Variants in DIS3L2 observed in about 807,000 individuals in gnomAD.
DIS3L2 encodes DIS3-like exonuclease 2.
In DIS3L2, 34 loss-of-function variants were observed where a neutral mutation model predicts 97.5. The ratio of observed to expected loss-of-function variants is 0.35; its 90% CI spans 0.27 to 0.46. DIS3L2 has a LOEUF of 0.46. Ranked by LOEUF, DIS3L2 falls within the 20% of genes least tolerant of loss-of-function variation. The pLI is 1.00. For missense variants in DIS3L2, 1,038 were observed against 1,146.0 expected (o/e 0.91, Z 1.36); for synonymous variants, 435 against 445.2 (o/e 0.98, Z 0.29).
chr2:232,191,742 A>C (rs1691623267), intron 9 of DIS3L2, among the ~76,000 whole-genome samples: 1 of 152,324 alleles, frequency 6.6e-6, no homozygotes, highest in Non-Finnish European at 1.5e-5. Context: ...AGAGTTTCAA[A>C]TTGTGATTGT....
At chr2:232,159,078 AATTGTCTGGGTTCCTGGT>A (rs1256615573) in intron 8 of DIS3L2, among the ~76,000 whole-genome samples, 3 of 152,134 alleles carry the variant, frequency 2.0e-5, no homozygotes, top group African/African-American at 7.2e-5. Flanking sequence ...CTGAGTCTTT[AATTGTCTGGGTTCCTGGT>A]TACAAGCAAG....
At chr2:232,305,921 C>T (rs893914020) in intron 14 of DIS3L2, among the ~76,000 whole-genome samples, 2 of 151,504 alleles carry the variant, frequency 1.3e-5, no homozygotes, top group Non-Finnish European at 2.9e-5. Context: ...TGCCATTGCA[C>T]TCCAGCCTGG....
intron 5 of DIS3L2, among the ~76,000 whole-genome samples, chr2:232,038,711 G>T (rs183731953): frequency 2.0e-5 from 3 of 152,306 alleles, no homozygotes; most frequent in African/African-American, 7.2e-5. Context: ...AAGACGATGG[G>T]GTAGATTGTT....
intron 9 of DIS3L2, among the ~76,000 whole-genome samples, chr2:232,195,048 A>G (rs539221394): frequency 6.6e-6 from 1 of 152,342 alleles, no homozygotes; most frequent in African/African-American, 2.4e-5. Context: ...ACAAAAAACT[A>G]TAGAACAAGC....
chr2:232,073,340 GGA>G (rs2106289429), intron 5 of DIS3L2, among the ~76,000 whole-genome samples: 1 of 152,246 alleles, frequency 6.6e-6, no homozygotes, highest in South Asian at 2.1e-4. Flanking sequence ...GTAGTGGGGT[GGA>G]CAGGGCATTA....
rs1259566555 is a variant in DIS3L2, at chr2:232,182,069, GC to G, written c.1124+18438del. On this transcript the variant is annotated intron_variant, in intron 9 of 20. Coordinates refer to ENST00000325385, the MANE Select transcript of DIS3L2 (RefSeq NM_152383.5). ...TGTACTTTTTATAAAGGCATTTACAGCTACTCCCTCCCTACTTCCCTGATTG... is the reference window on the plus strand; with the variant it reads ...TGTACTTTTTATAAAGGCATTTACAGTACTCCCTCCCTACTTCCCTGATTG... Among the ~76,000 whole-genome samples, 9 of 152,208 alleles carry G rather than the reference GC, an allele frequency of 5.9e-5. No homozygotes were observed. The South Asian group carries it at 1.2e-3, about 21-fold the overall frequency.
intron 5 of DIS3L2, among the ~76,000 whole-genome samples, chr2:232,069,763 G>T (rs1183654152): frequency 6.6e-6 from 1 of 152,156 alleles, no homozygotes; most frequent in African/African-American, 2.4e-5. Context: ...TCTCTATGAG[G>T]AGAGAAGCTG....
At chr2:232,172,947 C>T (rs141433739) in intron 9 of DIS3L2, among the ~76,000 whole-genome samples, 450 of 152,230 alleles carry the variant, frequency 3.0e-3, no homozygotes, top group African/African-American at 9.9e-3. Context: ...CAGATAGTAT[C>T]TATTCAGATC....
At position 232,073,779 on chromosome 2, in the gene DIS3L2, A is replaced by G. The variant is rs950028324; in HGVS notation, c.367-13708A>G. The stretch of plus-strand genomic sequence containing the variant: ...TTTGAAATACGGTATATTGATTTTA[A>G]AAGGAAGGGAAGAAAAACCTAATGC... On this transcript the variant is annotated intron_variant, in intron 5 of 20. Transcript: ENST00000325385. Among the ~76,000 whole-genome samples, 90 of 152,332 alleles carry G rather than the reference A, an allele frequency of 5.9e-4. 1 individual carries two copies. The highest frequency in any genetic ancestry group is 2.1e-3 in the African/African-American group (87 of 41,564).
chr2:232,139,140 A>G (rs1012838895), intron 8 of DIS3L2, among the ~76,000 whole-genome samples: 1 of 152,220 alleles, frequency 6.6e-6, no homozygotes, highest in African/African-American at 2.4e-5. Context: ...TTAATATAAG[A>G]AGCTGGTGAT....
Position 232,292,826 on chromosome 2 carries a change from A to G in DIS3L2, c.1660-7214A>G, listed in dbSNP as rs1422106222. On this transcript the variant is annotated intron_variant, in intron 13 of 20. Coordinates refer to ENST00000325385, the MANE Select transcript of DIS3L2 (RefSeq NM_152383.5). The surrounding 1 kb of genome is among the most constrained non-coding windows in gnomAD (Gnocchi z 4.4). ...TTCCGCCCTCTGCTGGTGGAAGCTG[A>G]CAGAGCAACCTTGTTGTTGCCTCTT... Among the ~76,000 whole-genome samples the G allele has an allele frequency of 6.6e-6, 1 of 152,176 alleles. No homozygotes were observed. The highest frequency in any genetic ancestry group is 1.5e-5 in the Non-Finnish European group (1 of 68,020).
At chr2:232,009,023 AGTT>A (rs577973967) in intron 1 of DIS3L2, among the ~76,000 whole-genome samples, 233 of 151,964 alleles carry the variant, frequency 1.5e-3, no homozygotes, top group African/African-American at 4.8e-3. Context: ...TTTTCATTTC[AGTT>A]GTTGTCTTTC....
chr2:231,963,975 GC>G (rs1479010019), intron 1 of DIS3L2, among the ~76,000 whole-genome samples: 1 of 152,116 alleles, frequency 6.6e-6, no homozygotes, highest in Non-Finnish European at 1.5e-5. Context: ...TGCCTCAGTT[GC>G]CCAAAGTGCT....
intron 10 of DIS3L2, among the ~76,000 whole-genome samples, chr2:232,232,613 C>T (rs898257711): frequency 6.6e-6 from 1 of 152,114 alleles, no homozygotes; most frequent in Non-Finnish European, 1.5e-5. Context: ...GAGGTGATCC[C>T]ACTTCCTGGG....
chr2:232,050,744 G>C (rs1312239136), intron 5 of DIS3L2, among the ~76,000 whole-genome samples: 1 of 152,176 alleles, frequency 6.6e-6, no homozygotes, highest in Non-Finnish European at 1.5e-5. Flanking sequence ...CTTTGTACGT[G>C]GCACTGGCAT....
chr2:232,086,181 A>C (rs1291928859), intron 5 of DIS3L2, among the ~76,000 whole-genome samples: 1 of 147,330 alleles, frequency 6.8e-6, no homozygotes, highest in African/African-American at 2.6e-5. Context: ...ATATACGTAT[A>C]TATACACACG....
chr2:232,020,377 G>A (rs538821455), intron 3 of DIS3L2, among the ~76,000 whole-genome samples: 1 of 152,276 alleles, frequency 6.6e-6, no homozygotes, highest in African/African-American at 2.4e-5. Flanking sequence ...ACAAGAAAGT[G>A]GCAGTAAAGA....
At chr2:232,216,014 C>T (rs1374593002) in intron 10 of DIS3L2, among the ~76,000 whole-genome samples, 1 of 152,208 alleles carries the variant, frequency 6.6e-6, no homozygotes, top group Non-Finnish European at 1.5e-5. Context: ...CTGCTTCCTC[C>T]TCTTGCTGTA....
At chr2:232,239,345 C>T (rs1693018186) in intron 11 of DIS3L2, among the ~76,000 whole-genome samples, 1 of 152,154 alleles carries the variant, frequency 6.6e-6, no homozygotes, top group Non-Finnish European at 1.5e-5. Context: ...ATATTGAGCA[C>T]CAATTATCTG....
Sources: allele counts gnomAD v4.1 joint callset (sites outside exome capture counted in the v4.1 genomes callset), GRCh38; gene constraint gnomAD v4.1.1; non-coding constraint Gnocchi (gnomAD v3.1); transcripts MANE v1.5; gene names NCBI Gene and HGNC (gene_info 2026-07-23, HGNC 2026-07-21).